MAP3K15: variants seen among roughly 807,000 people sequenced by gnomAD.
MAP3K15 encodes the protein mitogen-activated protein kinase kinase kinase 15, also known as MAPK/ERK kinase kinase 15.
MAP3K15 carries 124 observed loss-of-function variants against 99.5 expected under a neutral mutation model. The ratio of observed to expected loss-of-function variants is 1.25; its 90% CI spans 1.08 to 1.45. The LOEUF is 1.45. Ranked by LOEUF, MAP3K15 falls within the 40% of genes most tolerant of loss-of-function variation. The pLI is 0.00. For synonymous variants in MAP3K15, 494 were observed against 439.6 expected (o/e 1.12, Z -1.55); for missense variants, 1,242 against 1,079.7 (o/e 1.15, Z -2.11).
chrX:19,409,956 C>T lies in MAP3K15; in HGVS notation c.1716G>A (p.Trp572Ter). The T allele has an allele frequency of 1.7e-6, 2 of 1,205,169 alleles. No individual in the cohort carries two copies. Among genetic ancestry groups the T allele is most frequent in the Non-Finnish European group, 2.2e-6 (2 of 890,057 alleles). ...SPTEMKQMHEWNFTASSIKGI... is the reference protein window; with the variant it reads ...SPTEMKQMHE ...CCTTTATGGAAGAGGCTGTAAAATT[C>T]CATTCGTGCATCTGTTTCTGCAAGT... The change falls in exon 12 of 29, where the codon TGG (tryptophan) becomes TGA (stop). Residue 572 changes from tryptophan (W) to a stop codon, truncating the protein, a stop_gained. Coordinates refer to ENST00000338883, the MANE Select transcript of MAP3K15 (RefSeq NM_001001671.4). LOFTEE classifies it high-confidence loss of function.
intron 7 of MAP3K15, among the ~76,000 whole-genome samples, chrX:19,427,821 T>C (rs1166612562): frequency 9.0e-6 from 1 of 110,926 alleles, no homozygotes; most frequent in East Asian, 2.8e-4. Flanking sequence ...TTGAAGTCAG[T>C]TAAAATATGG....
At chrX:19,514,878 G>A (rs1354182616) in intron 1 of MAP3K15, 23 bp downstream of exon 1, 2 of 1,021,224 alleles carry the variant, frequency 2.0e-6, no homozygotes, top group African/African-American at 4.2e-5. Flanking sequence ...CTGGGACTGA[G>A]GTGGGGACGA....
At chrX:19,502,341 C>G (rs2064446117) in intron 1 of MAP3K15, among the ~76,000 whole-genome samples, 1 of 110,916 alleles carries the variant, frequency 9.0e-6, no homozygotes, top group Admixed American at 9.6e-5. Context: ...GGCGGTTCCC[C>G]CATGCTGTTC....
At chrX:19,398,128 A>C (rs1343650922) in intron 15 of MAP3K15, 98 bp downstream of exon 15, 8 of 1,010,005 alleles carry the variant, frequency 7.9e-6, no homozygotes, top group Non-Finnish European at 1.1e-5. Flanking sequence ...TGGTAACACA[A>C]TGCTTTTGCC....
intron 16 of MAP3K15, among the ~76,000 whole-genome samples, chrX:19,394,774 C>A (rs6629338): frequency 1.4e-5 from 1 of 74,062 alleles, no homozygotes; most frequent in African/African-American, 5.1e-5. Context: ...TTTCCAACAT[C>A]TAAAGGGTCT....
At chrX:19,418,262 C>G (rs192858963) in intron 9 of MAP3K15, among the ~76,000 whole-genome samples, 2 of 110,889 alleles carry the variant, frequency 1.8e-5, no homozygotes, top group Non-Finnish European at 3.8e-5. Context: ...GGAGGAAGTT[C>G]GAACCCATGG....
intron 9 of MAP3K15, among the ~76,000 whole-genome samples, chrX:19,421,810 T>C (rs1413707506): frequency 7.2e-5 from 8 of 110,404 alleles, no homozygotes; most frequent in Non-Finnish European, 1.1e-4. Flanking sequence ...CAAAACAGCA[T>C]GCTACTGGTA....
chrX:19,482,032 T>G (rs2064292990), intron 3 of MAP3K15: 1 of 107,809 alleles, frequency 9.3e-6, no homozygotes, highest in African/African-American at 3.4e-5. Flanking sequence ...CAAAAAAAAT[T>G]AGCCAGGCGT....
chrX:19,383,030 C>T (rs1421889694), intron 18 of MAP3K15, among the ~76,000 whole-genome samples: 2 of 111,079 alleles, frequency 1.8e-5, no homozygotes, highest in Non-Finnish European at 3.8e-5. Flanking sequence ...GGCGTTGGAC[C>T]CTCAGTCGGC....
intron 7 of MAP3K15, among the ~76,000 whole-genome samples, chrX:19,429,461 T>G (rs2063860890): frequency 9.1e-6 from 1 of 110,256 alleles, no homozygotes; most frequent in African/African-American, 3.3e-5. Flanking sequence ...CAACACTGAC[T>G]GAAAGTTTAG....
chrX:19,424,272 A>T (rs1761360707), intron 9 of MAP3K15, among the ~76,000 whole-genome samples: 1 of 105,207 alleles, frequency 9.5e-6, no homozygotes, highest in Non-Finnish European at 1.9e-5. Context: ...ATATACACAC[A>T]TATATACACA....
intron 24 of MAP3K15, among the ~76,000 whole-genome samples, chrX:19,370,691 C>A (rs2063367986): frequency 9.0e-6 from 1 of 111,636 alleles, no homozygotes; most frequent in Non-Finnish European, 1.9e-5. Flanking sequence ...GCCACCGCGT[C>A]CGGCCCCATG....
At chrX:19,431,305 C>G in intron 7 of MAP3K15, 133 bp downstream of exon 7, 1 of 573,144 alleles carries the variant, frequency 1.7e-6, no homozygotes, top group East Asian at 3.8e-5. Context: ...AATTCCCAGA[C>G]CACATTTACT....
At chrX:19,493,954 A>T (rs760104478) in intron 1 of MAP3K15, among the ~76,000 whole-genome samples, 2 of 111,291 alleles carry the variant, frequency 1.8e-5, no homozygotes, top group Admixed American at 1.9e-4. Context: ...TATCAGGCTA[A>T]ATCTTAAGCA....
At chrX:19,395,280 G>A (rs1264147033) in intron 15 of MAP3K15, 72 bp from the exon 16 acceptor site, 30 of 1,048,861 alleles carry the variant, frequency 2.9e-5, no homozygotes, top group Non-Finnish European at 3.8e-5. Context: ...CACCTCACCA[G>A]GACCTGCCCC....
At chrX:19,492,598 G>A (rs189656558) in intron 1 of MAP3K15, among the ~76,000 whole-genome samples, 2 of 111,423 alleles carry the variant, frequency 1.8e-5, no homozygotes, top group East Asian at 5.6e-4. Context: ...AAGATAATGC[G>A]CCACTGCAGC....
At chrX:19,381,910 T>G (rs1027438305) in intron 18 of MAP3K15, among the ~76,000 whole-genome samples, 3 of 110,922 alleles carry the variant, frequency 2.7e-5, no homozygotes, top group African/African-American at 6.6e-5. Flanking sequence ...CCCAGAGAAA[T>G]TCAAAGGCCT....
chrX:19,377,534 ACT>A (rs1440341273), intron 19 of MAP3K15, among the ~76,000 whole-genome samples: 2 of 109,319 alleles, frequency 1.8e-5, no homozygotes, highest in Non-Finnish European at 3.8e-5. Context: ...ACAGAGTGAG[ACT>A]CTGTCAAAAA....
chrX:19,361,339 C>G lies in MAP3K15; in HGVS notation c.3857G>C (p.Arg1286Pro). The G allele has an allele frequency of 8.4e-7, 1 of 1,197,102 alleles. No homozygotes were observed. Among genetic ancestry groups the G allele is most frequent in the African/African-American group, 1.7e-5 (1 of 57,601 alleles). Residue 1286 changes from arginine to proline, a missense_variant and splice_region_variant, in exon 28 of 29, where the codon CGG (arginine) becomes CCG (proline). Arg to Pro is a moderately radical substitution (Grantham distance 103). Transcript: ENST00000338883. ...ATACAAACTGTTTTGAGGCTCTTAC[C>G]GTAGTCGAAGGTATCTTAGATCTTC... ...TKEDLRYLRL[R>P]GGLLCRLWSA...
Sources: gnomAD v4.1 joint callset for allele counts (sites outside exome capture counted in the v4.1 genomes callset) on GRCh38, gnomAD v4.1.1 for gene constraint, MANE v1.5 for transcripts, NCBI Gene and HGNC (gene_info 2026-07-23, HGNC 2026-07-21) for gene names.